CARHSP1: variants seen among roughly 807,000 people sequenced by gnomAD.
The protein encoded by CARHSP1 is calcium regulated heat stable protein 1, also known as calcium-regulated heat-stable protein 1.
In CARHSP1, 14 loss-of-function variants were observed where a neutral mutation model predicts 12.5. The ratio of observed to expected loss-of-function variants is 1.12; its 90% CI spans 0.74 to 1.75. The LOEUF is 1.75. Ranked by LOEUF, CARHSP1 falls within the 40% of genes most tolerant of loss-of-function variation. The pLI is 0.00. For missense variants in CARHSP1, 343 were observed against 201.6 expected (o/e 1.70, Z -4.25); for synonymous variants, 161 against 82.0 (o/e 1.96, Z -5.20).
intron 3 of CARHSP1, among the ~76,000 whole-genome samples, chr16:8,857,153 C>A (rs1419665960): frequency 2.0e-5 from 3 of 152,034 alleles, no homozygotes; most frequent in African/African-American, 7.2e-5. Context: ...CCCTGCTGCT[C>A]ACACACATGC....
At chr16:8,865,955 T>C (rs545285064) in intron 1 of CARHSP1, among the ~76,000 whole-genome samples, 5 of 152,110 alleles carry the variant, frequency 3.3e-5, no homozygotes, top group Non-Finnish European at 7.4e-5. Context: ...ATTCTTCATT[T>C]CTTTTTTATT....
rs1454866808 is a variant in CARHSP1, at chr16:8,858,645, G to A, written c.159-173C>T. 27 of 763,232 alleles carry A rather than the reference G, an allele frequency of 3.5e-5. 1 individual carries two copies. Among genetic ancestry groups the A allele is most frequent in the Middle Eastern group, 3.9e-4 (1 of 2,572 alleles). 47.3% of individuals were successfully genotyped at this position (763,232 alleles called of 1,614,324 possible). A position where few individuals can be genotyped will look rare whatever the true frequency, so the allele number is the denominator to read the frequency against. Reference sequence around the variant, plus strand: ...AACCCTGGGAGCCGCTCACAAAGACGCTGGGGGAAAGGACTCTTTGGATGA... The same window carrying A: ...AACCCTGGGAGCCGCTCACAAAGACACTGGGGGAAAGGACTCTTTGGATGA... On this transcript the variant is annotated intron_variant, in intron 2 of 3. Coordinates refer to ENST00000311052, the MANE Select transcript of CARHSP1 (RefSeq NM_014316.4).
chr16:8,858,688 G>A (rs546523558), intron 2 of CARHSP1: 8 of 550,760 alleles, frequency 1.5e-5, no homozygotes, highest in Admixed American at 1.4e-4. Flanking sequence ...CAATTTTCTC[G>A]GGCCTGTTTT....
rs1370391054 is a variant in CARHSP1, at chr16:8,855,084, G to A, written c.*80C>T. 3.9e-6 allele frequency: 5 copies of A among 1,268,890 alleles called. No homozygotes were observed. The highest frequency in any genetic ancestry group is 1.7e-5 in the South Asian group (1 of 57,610). 78.6% of individuals were successfully genotyped at this position (1,268,890 alleles called of 1,614,324 possible). On this transcript the variant is annotated 3_prime_UTR_variant, in exon 4 of 4. Transcript: ENST00000311052. ...GGCTGAAGCCCCGTCTCGTGTGGAA[G>A]AATGTCATCTCCAGTGTCTGCTGCC...
chr16:8,860,528 G>A (rs563165513), intron 1 of CARHSP1: 1 of 985,332 alleles, frequency 1.0e-6, no homozygotes, highest in Admixed American at 6.1e-5. Context: ...AGCAGTCAGA[G>A]GCCCTTGGGT....
chr16:8,861,910 C>T (rs888598498), intron 1 of CARHSP1: 2 of 760,724 alleles, frequency 2.6e-6, no homozygotes, highest in Non-Finnish European at 3.5e-6. Flanking sequence ...CCTCGCAACT[C>T]CACAGTTAGA....
chr16:8,866,604 G>C (rs963241953), intron 1 of CARHSP1: 1 of 243,372 alleles, frequency 4.1e-6, no homozygotes, highest in Admixed American at 6.5e-5. Context: ...GAACGAGCCA[G>C]AGGTTGACGC....
intron 1 of CARHSP1, among the ~76,000 whole-genome samples, chr16:8,864,234 G>C (rs1438843203): frequency 1.3e-5 from 2 of 152,176 alleles, no homozygotes; most frequent in Non-Finnish European, 2.9e-5. Context: ...CTCTGCATCT[G>C]AGCGCATACA....
In CARHSP1 at chr16:8,859,231, G is replaced by A; in HGVS notation, c.98C>T (p.Pro33Leu). 1 of 1,602,556 alleles carries A rather than the reference G, an allele frequency of 6.2e-7. No individual in the cohort carries two copies. Among genetic ancestry groups the A allele is most frequent in the Non-Finnish European group, 8.5e-7 (1 of 1,176,816 alleles). Residue 33 changes from proline (P) to leucine (L), a missense_variant, in exon 2 of 4, where the codon CCT becomes CTT. By Grantham distance (98) the Pro-to-Leu change is moderately conservative. Transcript: ENST00000311052. ...TPRSRERSPS[P>L]LRGNVVPSPL... is the part of the protein sequence containing the mutation. ...GCTTGGGACCACGTTGCCCCGCAGA[G>A]GGGATGGTGAGCGCTCACGGCTCCG...
chr16:8,859,424 T>C, intron 1 of CARHSP1, 89 bp from the exon 2 acceptor site: 1 of 1,197,860 alleles, frequency 8.3e-7, no homozygotes, highest in Non-Finnish European at 1.2e-6. Context: ...CAGTCCAGTA[T>C]CTGAGGCTCA....
At chr16:8,865,593 G>C (rs1184719886) in intron 1 of CARHSP1, among the ~76,000 whole-genome samples, 1 of 152,228 alleles carries the variant, frequency 6.6e-6, no homozygotes, top group Non-Finnish European at 1.5e-5. Flanking sequence ...CCAGGGTTGG[G>C]CATGGTGTTG....
chr16:8,861,708 C>T (rs895129249), intron 1 of CARHSP1: 13 of 1,288,482 alleles, frequency 1.0e-5, no homozygotes, highest in South Asian at 4.9e-5. Flanking sequence ...CAAGGAGGAA[C>T]TCCTGAGTCC....
intron 1 of CARHSP1, 172 bp downstream of exon 1, chr16:8,868,794 G>A (rs1229951385): frequency 6.6e-5 from 10 of 152,150 alleles, no homozygotes; most frequent in African/African-American, 2.4e-4. Flanking sequence ...AGCAACCCGC[G>A]TTCCCCAAAC....
chr16:8,862,270 G>GA (rs1177374975), intron 1 of CARHSP1, among the ~76,000 whole-genome samples: 3 of 151,898 alleles, frequency 2.0e-5, no homozygotes, highest in Non-Finnish European at 4.4e-5. Context: ...TGGAAAATGG[G>GA]AATTATAATA....
rs2061031432 is a variant in CARHSP1, at chr16:8,854,399, GA to G, written c.*764del. 6.6e-6 allele frequency: 1 copy of G among 152,276 alleles called. No individual in the cohort carries two copies. Among genetic ancestry groups the G allele is most frequent in the South Asian group, 2.1e-4 (1 of 4,822 alleles). 9.4% of individuals were successfully genotyped at this position (152,276 alleles called of 1,614,324 possible). A position where few individuals can be genotyped will look rare whatever the true frequency, so the allele number is the denominator to read the frequency against. On this transcript the variant is annotated 3_prime_UTR_variant, in exon 4 of 4. Coordinates refer to ENST00000311052, the MANE Select transcript of CARHSP1 (RefSeq NM_014316.4). ...CCGCCGCCATAATTACAGGGGCTGT[GA>G]AATGGCTGTTGAGTGATGGTCACAC...
In CARHSP1 at chr16:8,860,629, T is replaced by G. The variant is rs527935269; in HGVS notation, c.-7-1294A>C. On this transcript the variant is annotated intron_variant, in intron 1 of 3. Transcript: ENST00000311052. ...CTTGGCACCTGCGCAGGGCTGGTGA[T>G]GGGGGTACGAGATGAAGTAGGGAGA... The G allele has an allele frequency of 3.5e-5, 14 of 396,142 alleles. No homozygotes were observed. In the East Asian group the frequency reaches 2.3e-3, roughly 64 times the overall value. The allele number at this position is 396,142 out of a possible 1,614,324, so 24.5% of individuals were successfully genotyped here. A position where few individuals can be genotyped will look rare whatever the true frequency, so the allele number is the denominator to read the frequency against.
At chr16:8,859,591 GGT>G (rs1819042662) in intron 1 of CARHSP1, among the ~76,000 whole-genome samples, 1 of 151,728 alleles carries the variant, frequency 6.6e-6, no homozygotes, top group African/African-American at 2.4e-5. Context: ...GGATGGCATC[GGT>G]CCCCTCTGTG....
At chr16:8,857,043 G>A (rs1030032402) in intron 3 of CARHSP1, among the ~76,000 whole-genome samples, 3 of 152,260 alleles carry the variant, frequency 2.0e-5, no homozygotes, top group Admixed American at 6.5e-5. Flanking sequence ...CCCCAAAGGA[G>A]GGCAGGAAGC....
chr16:8,865,340 CCT>C (rs1260606252), intron 1 of CARHSP1, among the ~76,000 whole-genome samples: 1 of 152,182 alleles, frequency 6.6e-6, no homozygotes, highest in African/African-American at 2.4e-5. Context: ...GGACTCCTGA[CCT>C]CTCATGATTT....
Sources: allele counts gnomAD v4.1 joint callset (sites outside exome capture counted in the v4.1 genomes callset), GRCh38; gene constraint gnomAD v4.1.1; transcripts MANE v1.5; gene names NCBI Gene and HGNC (gene_info 2026-07-23, HGNC 2026-07-21).